Variants in IPCEF1 observed in about 807,000 individuals in gnomAD.
IPCEF1 encodes the protein interactor protein for cytohesin exchange factors 1.
IPCEF1 carries 31 observed loss-of-function variants against 50.9 expected under a neutral mutation model. The ratio of observed to expected loss-of-function variants is 0.61; its 90% CI spans 0.46 to 0.82. The LOEUF is 0.82. Ranked by LOEUF, IPCEF1 falls within the 40% of genes least tolerant of loss-of-function variation. IPCEF1 has a pLI of 0.00. For missense variants in IPCEF1, 458 were observed against 514.0 expected, an observed-to-expected ratio of 0.89 and a Z score of 1.05; for synonymous variants, 181 against 192.0, an observed-to-expected ratio of 0.94 and a Z score of 0.47.
chr6:154,221,384 G>C, intron 6 of IPCEF1, 56 bp from the exon 7 acceptor site: 4 of 1,321,118 alleles, frequency 3.0e-6, no homozygotes, highest in Non-Finnish European at 3.2e-6. Context: ...GTCAACAATG[G>C]GTCTGAAAGT....
intron 3 of IPCEF1, among the ~76,000 whole-genome samples, chr6:154,264,103 C>A (rs1332830627): frequency 6.6e-6 from 1 of 151,716 alleles, no homozygotes; most frequent in Non-Finnish European, 1.5e-5. Flanking sequence ...ATTTGTTCCT[C>A]TTATTTATGC....
intron 1 of IPCEF1, among the ~76,000 whole-genome samples, chr6:154,294,158 T>G (rs2128670762): frequency 6.6e-6 from 1 of 152,310 alleles, no homozygotes; most frequent in Admixed American, 6.5e-5. Context: ...AGAATGACAT[T>G]GGGGCCCAAT....
intron 3 of IPCEF1, among the ~76,000 whole-genome samples, chr6:154,252,577 A>T (rs757929660): frequency 9.2e-5 from 14 of 152,190 alleles, no homozygotes; most frequent in Non-Finnish European, 4.4e-5. Context: ...CGGGAGACTG[A>T]GGCAGGAGAA....
At chr6:154,346,256 A>G (rs1266048965) in intron 1 of IPCEF1, among the ~76,000 whole-genome samples, 2 of 144,018 alleles carry the variant, frequency 1.4e-5, no homozygotes, top group Non-Finnish European at 3.1e-5. Flanking sequence ...TAGGATCATG[A>G]AAAGTATTTA....
rs745364509 is a variant in IPCEF1, at chr6:154,168,084, T to C, written c.940A>G (p.Met314Val). ...TCTAATGATTTGTACAGCTTCTCCA[T>C]TTCATCATCTTCAGACACTTTTGTC... ...EETKVSEDDE[M>V]EKLYKSLEQA... Residue 314 changes from methionine (M) to valine (V), a missense_variant, in exon 11 of 12, where the codon ATG (methionine) becomes GTG (valine). Physicochemically the swap from Met to Val is conservative, Grantham distance 21 (BLOSUM62 1). Coordinates refer to ENST00000367220, the MANE Select transcript of IPCEF1 (RefSeq NM_001130700.2). This position sits in a 1 kb window ranked among gnomAD's most constrained non-coding sequence, Gnocchi z 4.1. 1 of 1,567,838 alleles carries C rather than the reference T, an allele frequency of 6.4e-7. No homozygotes were observed. The highest frequency in any genetic ancestry group is 8.7e-7 in the Non-Finnish European group (1 of 1,149,212).
At chr6:154,278,031 C>G (rs1431523930) in intron 2 of IPCEF1, among the ~76,000 whole-genome samples, 2 of 152,098 alleles carry the variant, frequency 1.3e-5, no homozygotes, top group African/African-American at 2.4e-5. Context: ...GCCCTAGATA[C>G]CTTCATTTAA....
chr6:154,164,510 A>G (rs993762123), intron 11 of IPCEF1, among the ~76,000 whole-genome samples: 2 of 152,200 alleles, frequency 1.3e-5, no homozygotes, highest in African/African-American at 2.4e-5. Context: ...TGGATGGCGC[A>G]TGAGGCTTTT....
Position 154,158,532 on chromosome 6 carries a change from G to C in IPCEF1, c.*1296C>G, listed in dbSNP as rs749576785. 3.3e-5 allele frequency: 5 copies of C among 152,168 alleles called. No homozygotes were observed. The highest frequency in any genetic ancestry group is 7.4e-5 in the Non-Finnish European group (5 of 68,020). 9.4% of individuals were successfully genotyped at this position (152,168 alleles called of 1,614,324 possible). A position where few individuals can be genotyped will look rare whatever the true frequency, so the allele number is the denominator to read the frequency against. On this transcript the variant is annotated 3_prime_UTR_variant, in exon 12 of 12. Transcript: ENST00000367220. ...GATGAAAGTCCTTTGCTGGTTAAAA[G>C]AGTGACTTACAAGAGATAGAAATCT...
intron 3 of IPCEF1, among the ~76,000 whole-genome samples, chr6:154,263,427 A>C (rs1158636332): frequency 7.4e-6 from 1 of 135,156 alleles, no homozygotes; most frequent in Non-Finnish European, 1.6e-5. Context: ...GGTACTTGAG[A>C]TTAGGGAGTG....
At chr6:154,334,362 C>T (rs2333856) in intron 1 of IPCEF1, among the ~76,000 whole-genome samples, 12,361 of 152,212 alleles carry the variant, frequency 0.081, 845 homozygotes, top group South Asian at 0.31. Context: ...CTCAGTTCCC[C>T]ATCCATAAAG....
chr6:154,266,405 GAATA>G (rs1204278953), intron 2 of IPCEF1, among the ~76,000 whole-genome samples: 29 of 151,610 alleles, frequency 1.9e-4, no homozygotes, highest in Non-Finnish European at 3.1e-4. Context: ...TTTTTTTAAT[GAATA>G]AATAAATAAA....
At chr6:154,201,155 G>T (rs959012397) in intron 9 of IPCEF1, among the ~76,000 whole-genome samples, 4 of 152,172 alleles carry the variant, frequency 2.6e-5, no homozygotes, top group African/African-American at 9.7e-5. Flanking sequence ...CAGCCATGTG[G>T]AACTGTGAGT....
chr6:154,297,719 G>A (rs1049284294), intron 1 of IPCEF1, among the ~76,000 whole-genome samples: 3 of 152,148 alleles, frequency 2.0e-5, no homozygotes, highest in African/African-American at 7.2e-5. Flanking sequence ...TATTCATTTT[G>A]AAAATTTGTA....
intron 1 of IPCEF1, among the ~76,000 whole-genome samples, chr6:154,346,867 G>A (rs76342600): frequency 0.025 from 3,880 of 152,262 alleles, 78 homozygotes; most frequent in Middle Eastern, 0.055. Context: ...ACAGTTCAAC[G>A]TAAGATTTGG....
chr6:154,296,499 C>G (rs9384202), intron 1 of IPCEF1, among the ~76,000 whole-genome samples: 33,028 of 152,006 alleles, frequency 0.22, 3,842 homozygotes, highest in Non-Finnish European at 0.25. Context: ...CTGTATCTCT[C>G]CTTGACCAAA....
intron 5 of IPCEF1, among the ~76,000 whole-genome samples, chr6:154,245,748 C>T (rs1363159435): frequency 6.6e-6 from 1 of 152,206 alleles, no homozygotes. Flanking sequence ...TCACACTCTC[C>T]TGAGAGCAGC....
intron 5 of IPCEF1, among the ~76,000 whole-genome samples, chr6:154,239,171 A>G (rs553305314): frequency 9.2e-5 from 14 of 152,332 alleles, no homozygotes; most frequent in African/African-American, 3.4e-4. Flanking sequence ...TTAATTTTGA[A>G]AAGTTTGGAA....
chr6:154,341,756 T>C (rs905503490), intron 1 of IPCEF1, among the ~76,000 whole-genome samples: 2 of 152,210 alleles, frequency 1.3e-5, no homozygotes, highest in African/African-American at 4.8e-5. Context: ...ACACTAAAGT[T>C]GGAATGAACC....
chr6:154,320,799 G>A (rs1289965598), intron 1 of IPCEF1, among the ~76,000 whole-genome samples: 6 of 151,982 alleles, frequency 3.9e-5, no homozygotes, highest in Non-Finnish European at 8.8e-5. Flanking sequence ...TTGAGCCCAG[G>A]GGCTCTAGAT....
Sources: allele counts gnomAD v4.1 joint callset (sites outside exome capture counted in the v4.1 genomes callset), GRCh38; gene constraint gnomAD v4.1.1; non-coding constraint Gnocchi (gnomAD v3.1); transcripts MANE v1.5; gene names NCBI Gene and HGNC (gene_info 2026-07-23, HGNC 2026-07-21).